The following KDM3B variants were observed in gnomAD, a reference collection of about 807,000 sequenced individuals.
KDM3B encodes lysine demethylase 3B, also known as lysine-specific demethylase 3B.
A neutral mutation model predicts 170.0 loss-of-function variants in KDM3B; 10 were observed. The ratio of observed to expected loss-of-function variants is 0.06; its 90% confidence interval spans 0.04 to 0.10. The LOEUF is 0.10. Ranked by LOEUF, KDM3B falls within the 10% of genes least tolerant of loss-of-function variation. The pLI is 1.00. For synonymous variants in KDM3B, 831 were observed against 834.8 expected (o/e 1.00, Z 0.08); for missense variants, 1,394 against 2,195.2 (o/e 0.64, Z 7.29).
At position 138,384,648 on chromosome 5, in the gene KDM3B, AG is replaced by A. The variant is rs774457259; in HGVS notation, c.781-1373del. ...CAGCTACTTGGGAGGCTGAGGCAGGAGATTCGCTTGAGCCTAGGAGGCGGAG... is the reference window on the plus strand; with the variant it reads ...CAGCTACTTGGGAGGCTGAGGCAGGAATTCGCTTGAGCCTAGGAGGCGGAG... On this transcript the variant is annotated intron_variant, in intron 6 of 23. Transcript: ENST00000314358. 2.1e-4 allele frequency among the ~76,000 whole-genome samples: 32 copies of A among 151,202 alleles called. No homozygotes were observed. The East Asian group carries it at 2.8e-3, about 13-fold the overall frequency.
chr5:138,373,614 C>T (rs1761927204), intron 2 of KDM3B, among the ~76,000 whole-genome samples: 1 of 152,068 alleles, frequency 6.6e-6, no homozygotes, highest in South Asian at 2.1e-4. Flanking sequence ...TCCCAAGTAG[C>T]TGGGACTACA....
intron 16 of KDM3B, 115 bp downstream of exon 16, chr5:138,424,456 T>A: frequency 8.3e-7 from 1 of 1,207,438 alleles, no homozygotes; most frequent in Non-Finnish European, 1.2e-6. Context: ...GAGGTTATTG[T>A]AATAGCCTTG....
In KDM3B at chr5:138,377,834, G is replaced by A. The variant is rs189983948; in HGVS notation, c.580+9G>A. The A allele has an allele frequency of 1.7e-5, 27 of 1,590,916 alleles. No homozygotes were observed. Among genetic ancestry groups the A allele is most frequent in the African/African-American group, 9.4e-5 (7 of 74,540 alleles). On this transcript the variant is annotated intron_variant, in intron 4 of 23. Transcript: ENST00000314358. ...AGAGATATTCAGCCGAGGTAAGAACGGATAGTCTTCTGTCCCTGAACTCTG... is the reference window on the plus strand; with the variant it reads ...AGAGATATTCAGCCGAGGTAAGAACAGATAGTCTTCTGTCCCTGAACTCTG...
intron 11 of KDM3B, 85 bp from the exon 12 acceptor site, chr5:138,415,047 G>A: frequency 1.2e-6 from 1 of 802,812 alleles, no homozygotes; most frequent in Non-Finnish European, 2.0e-6. Context: ...GAGAAAATTG[G>A]CCTTTGGGGT....
In KDM3B at chr5:138,427,084, TGTC is replaced by T. The variant is rs1213339334; in HGVS notation, c.4502+20_4502+22del. ...CAACCAGGTTAGTGACCTGCAGTGG[TGTC>T]ATCTTCAGAAGCCATCACAAAGTAA... On this transcript the variant is annotated intron_variant, in intron 18 of 23. Coordinates refer to ENST00000314358, the MANE Select transcript of KDM3B (RefSeq NM_016604.4). 1 of 1,612,032 alleles carries T rather than the reference TGTC, an allele frequency of 6.2e-7. No homozygotes were observed. The highest frequency in any genetic ancestry group is 2.2e-5 in the East Asian group (1 of 44,862).
At chr5:138,426,930 C>T in intron 17 of KDM3B, 45 bp from the exon 18 acceptor site, 1 of 1,459,434 alleles carries the variant, frequency 6.9e-7, no homozygotes, top group Non-Finnish European at 9.6e-7. Context: ...AATCGGACAC[C>T]AGCCAAACCA....
intron 1 of KDM3B, among the ~76,000 whole-genome samples, chr5:138,359,455 C>G (rs1018501550): frequency 2.7e-5 from 4 of 147,508 alleles, no homozygotes; most frequent in African/African-American, 9.9e-5. Context: ...AGCCACCGTG[C>G]CCCCCCCACC....
chr5:138,374,972 C>T, intron 2 of KDM3B, 121 bp from the exon 3 acceptor site: 2 of 627,028 alleles, frequency 3.2e-6, no homozygotes, highest in South Asian at 3.8e-5. Context: ...TATGCTTTAG[C>T]TTATCTGTAT....
chr5:138,368,484 T>G (rs925198360), intron 1 of KDM3B, among the ~76,000 whole-genome samples: 3 of 152,034 alleles, frequency 2.0e-5, no homozygotes, highest in Non-Finnish European at 2.9e-5. Flanking sequence ...GCTCAAGTGA[T>G]CCTCCCGCCT....
chr5:138,393,119 G>A, intron 8 of KDM3B, 52 bp from the exon 9 acceptor site: 1 of 1,527,058 alleles, frequency 6.5e-7, no homozygotes, highest in Non-Finnish European at 9.1e-7. Context: ...TCATGCTATT[G>A]GTTCCTGTTT....
intron 1 of KDM3B, among the ~76,000 whole-genome samples, chr5:138,366,898 A>G (rs1761760306): frequency 1.3e-5 from 2 of 152,172 alleles, no homozygotes; most frequent in African/African-American, 4.8e-5. Context: ...ACAGGTTTCA[A>G]TTTTTCAACC....
chr5:138,415,024 C>A (rs1267270189), intron 11 of KDM3B, 108 bp from the exon 12 acceptor site: 1 of 580,550 alleles, frequency 1.7e-6, no homozygotes, highest in Non-Finnish European at 3.1e-6. Flanking sequence ...TAGCTGTTAT[C>A]TCCTTCAGCC....
chr5:138,404,957 T>A (rs1358236293), intron 11 of KDM3B, among the ~76,000 whole-genome samples: 2 of 151,888 alleles, frequency 1.3e-5, no homozygotes, highest in Admixed American at 6.6e-5. Context: ...ATCAGGCTGG[T>A]CTCAAACTCC....
intron 1 of KDM3B, among the ~76,000 whole-genome samples, chr5:138,367,397 T>G (rs994519032): frequency 2.0e-5 from 3 of 152,216 alleles, no homozygotes; most frequent in Non-Finnish European, 1.5e-5. Flanking sequence ...AACTGATGAT[T>G]ACATGACAAA....
chr5:138,408,211 A>T (rs1762872224), intron 11 of KDM3B, among the ~76,000 whole-genome samples: 1 of 152,196 alleles, frequency 6.6e-6, no homozygotes. Flanking sequence ...ACCTGATTGA[A>T]CCAATCTGTA....
rs1215473796 is a variant in KDM3B at position 138,364,674 on chromosome 5, G to A, written c.193-8000G>A. On this transcript the variant is annotated intron_variant, in intron 1 of 23. Transcript: ENST00000314358. ...TTATCTGGAGCCCATATTCTGCTAC[G>A]CATTTAAAGTCTTTATTTCATATAA... is the stretch of plus-strand genomic sequence containing the variant. Among the ~76,000 whole-genome samples the A allele has an allele frequency of 3.3e-5, 5 of 151,840 alleles. No homozygotes were observed. In the East Asian group the frequency reaches 7.7e-4, roughly 24 times the overall value.
intron 1 of KDM3B, among the ~76,000 whole-genome samples, chr5:138,362,193 C>A (rs1400146155): frequency 6.6e-6 from 1 of 151,406 alleles, no homozygotes; most frequent in Non-Finnish European, 1.5e-5. Context: ...TGGTGGCGCA[C>A]GTAATCCCTG....
intron 1 of KDM3B, among the ~76,000 whole-genome samples, chr5:138,367,735 T>G (rs553370758): frequency 6.6e-6 from 1 of 152,212 alleles, no homozygotes; most frequent in Non-Finnish European, 1.5e-5. Context: ...ATTATCTCAG[T>G]GGGGCATGAT....
rs1009873060 is a variant in KDM3B, at chr5:138,426,595, A to G, written c.4412-380A>G. On this transcript the variant is annotated intron_variant, in intron 17 of 23. Coordinates refer to ENST00000314358, the MANE Select transcript of KDM3B (RefSeq NM_016604.4). ...ATCTCAAAAAAAAAAAAAAAAAAAA[A>G]GATTAGTCTCCTAGGCTGGGCGCAG... The G allele has an allele frequency of 3.4e-4, 50 of 147,168 alleles. No homozygotes were observed. The South Asian group carries it at 5.6e-3, about 17-fold the overall frequency. 9.1% of individuals were successfully genotyped at this position (147,168 alleles called of 1,614,324 possible).
Sources: allele counts gnomAD v4.1 joint callset (sites outside exome capture counted in the v4.1 genomes callset), GRCh38; gene constraint gnomAD v4.1.1; transcripts MANE v1.5; gene names NCBI Gene and HGNC (gene_info 2026-07-23, HGNC 2026-07-21).